The following HNRNPC variants were observed in gnomAD, a reference collection of about 807,000 sequenced individuals.
The protein encoded by HNRNPC is heterogeneous nuclear ribonucleoprotein C, also known as heterogeneous nuclear ribonucleoproteins C1/C2.
HNRNPC carries 3 observed loss-of-function variants against 33.2 expected under a neutral mutation model. The observed-to-expected ratio is 0.09, with a 90% confidence interval of 0.04 to 0.23. The LOEUF is 0.23. HNRNPC is among the 10% of genes least tolerant of loss of function. The pLI, the probability that HNRNPC is intolerant of heterozygous loss-of-function variation, is 1.00. For missense variants in HNRNPC, 143 were observed against 366.7 expected, an observed-to-expected ratio of 0.39 and a Z score of 4.98; for synonymous variants, 121 against 126.7, an observed-to-expected ratio of 0.96 and a Z score of 0.30.
intron 2 of HNRNPC, among the ~76,000 whole-genome samples, chr14:21,238,991 G>C (rs1895040233): frequency 6.6e-6 from 1 of 152,090 alleles, no homozygotes; most frequent in Non-Finnish European, 1.5e-5. Flanking sequence ...GCCATGCGTG[G>C]TGGCCTGCAC....
chr14:21,253,892 C>T (rs935502372), intron 2 of HNRNPC, among the ~76,000 whole-genome samples: 4 of 151,720 alleles, frequency 2.6e-5, no homozygotes, highest in Non-Finnish European at 5.9e-5. Flanking sequence ...GGTGAATCCC[C>T]GTCTCTACCA....
intron 2 of HNRNPC, among the ~76,000 whole-genome samples, chr14:21,252,455 C>T (rs1896778320): frequency 6.6e-6 from 1 of 152,140 alleles, no homozygotes; most frequent in Non-Finnish European, 1.5e-5. Flanking sequence ...GGATTACACA[C>T]ATGCACTGCC....
chr14:21,228,333 G>C (rs980072403), intron 5 of HNRNPC, among the ~76,000 whole-genome samples: 1 of 152,144 alleles, frequency 6.6e-6, no homozygotes, highest in African/African-American at 2.4e-5. Flanking sequence ...GGAATAAATG[G>C]GCTGAGTTCA....
intron 2 of HNRNPC, among the ~76,000 whole-genome samples, chr14:21,251,369 T>C (rs1018105551): frequency 2.0e-5 from 3 of 151,824 alleles, no homozygotes; most frequent in African/African-American, 7.3e-5. Context: ...AAGTATACTT[T>C]AAGTCTACTC....
At chr14:21,228,145 A>G (rs915571212) in intron 5 of HNRNPC, among the ~76,000 whole-genome samples, 8 of 152,258 alleles carry the variant, frequency 5.3e-5, no homozygotes, top group Admixed American at 2.6e-4. Context: ...GTTAAAGGGC[A>G]GATGCTTCAG....
chr14:21,251,882 T>C (rs866883506), intron 2 of HNRNPC, among the ~76,000 whole-genome samples: 1 of 152,310 alleles, frequency 6.6e-6, no homozygotes, highest in Middle Eastern at 3.4e-3. Context: ...AATTGAGTCT[T>C]GGTGTCAAAT....
At chr14:21,225,144 G>T (rs1400574749) in intron 5 of HNRNPC, among the ~76,000 whole-genome samples, 1 of 152,006 alleles carries the variant, frequency 6.6e-6, no homozygotes, top group Non-Finnish European at 1.5e-5. Flanking sequence ...AAAGAGGCCA[G>T]GAACGATGGC....
intron 5 of HNRNPC, among the ~76,000 whole-genome samples, chr14:21,226,191 G>A (rs1048895236): frequency 2.6e-5 from 4 of 151,624 alleles, no homozygotes; most frequent in Non-Finnish European, 5.9e-5. Context: ...GTGTGGTGGT[G>A]TGCACCTGTA....
intron 1 of HNRNPC, among the ~76,000 whole-genome samples, chr14:21,265,883 G>A (rs956955337): frequency 4.6e-5 from 7 of 152,150 alleles, no homozygotes; most frequent in African/African-American, 7.2e-5. Flanking sequence ...TTCTTCTAAA[G>A]GGGCACCTCT....
rs140242100 is a variant in HNRNPC, at chr14:21,247,246, A to ATCCTG, written c.-36-13018_-36-13017insCAGGA. 4.3e-3 allele frequency among the ~76,000 whole-genome samples: 661 copies of ATCCTG among 152,288 alleles called. 5 individuals are homozygous for ATCCTG. The highest frequency in any genetic ancestry group is 0.015 in the African/African-American group (639 of 41,558). On this transcript the variant is annotated intron_variant, in intron 2 of 8. Transcript: ENST00000553300. ...GTTCGTATTTCATCCTCTTCTACCT[A>ATCCTG]GTTCATAATCACTAAAGATCACATA...
intron 6 of HNRNPC, among the ~76,000 whole-genome samples, chr14:21,212,656 C>T (rs1191099939): frequency 2.0e-5 from 3 of 151,982 alleles, no homozygotes; most frequent in African/African-American, 7.3e-5. Flanking sequence ...GATTCTCCTG[C>T]CTCAGCCTCC....
intron 2 of HNRNPC, among the ~76,000 whole-genome samples, chr14:21,255,822 T>A (rs1016744758): frequency 6.6e-6 from 1 of 152,200 alleles, no homozygotes; most frequent in Non-Finnish European, 1.5e-5. Flanking sequence ...CAGTTGGTGA[T>A]AAGTGCTAAA....
chr14:21,238,986 G>A lies in HNRNPC; in HGVS notation c.-36-4757C>T, dbSNP rs1439913117. Among the ~76,000 whole-genome samples, 3 of 152,118 alleles carry A rather than the reference G, an allele frequency of 2.0e-5. No homozygotes were observed. The East Asian group carries it at 5.8e-4, about 29-fold the overall frequency. ...TACTAAAAATACAAAAATCAGCCATGCGTGGTGGCCTGCACCTGTAGTCCC... is the reference window on the plus strand; with the variant it reads ...TACTAAAAATACAAAAATCAGCCATACGTGGTGGCCTGCACCTGTAGTCCC... On this transcript the variant is annotated intron_variant, in intron 2 of 8. Coordinates refer to ENST00000553300, the MANE Select transcript of HNRNPC (RefSeq NM_004500.4).
At chr14:21,252,110 A>ACCC (rs1352637788) in intron 2 of HNRNPC, among the ~76,000 whole-genome samples, 1 of 152,154 alleles carries the variant, frequency 6.6e-6, no homozygotes, top group Non-Finnish European at 1.5e-5. Flanking sequence ...TAACCATAAG[A>ACCC]CCCCCAACTC....
intron 2 of HNRNPC, among the ~76,000 whole-genome samples, chr14:21,247,163 C>T (rs1896071428): frequency 6.6e-6 from 1 of 152,088 alleles, no homozygotes; most frequent in South Asian, 2.1e-4. Flanking sequence ...CAATGTAATC[C>T]TAACCTCTAT....
At chr14:21,214,557 G>A (rs757126786) in intron 5 of HNRNPC, among the ~76,000 whole-genome samples, 4 of 152,000 alleles carry the variant, frequency 2.6e-5, no homozygotes. Flanking sequence ...GCACTCATGC[G>A]GAACAGAGCA....
intron 1 of HNRNPC, chr14:21,265,229 C>T (rs2139058858): frequency 6.6e-6 from 1 of 152,212 alleles, no homozygotes; most frequent in South Asian, 2.1e-4. Flanking sequence ...TGTTCTTTTC[C>T]TGTTTATGAA....
chr14:21,227,439 A>G (rs1180623590), intron 5 of HNRNPC, among the ~76,000 whole-genome samples: 1 of 152,218 alleles, frequency 6.6e-6, no homozygotes, highest in Non-Finnish European at 1.5e-5. Context: ...AGAACAATAG[A>G]AGACATTACT....
chr14:21,253,861 C>A (rs1166936313), intron 2 of HNRNPC, among the ~76,000 whole-genome samples: 1 of 151,808 alleles, frequency 6.6e-6, no homozygotes, highest in East Asian at 1.9e-4. Flanking sequence ...GTCAGCAAAT[C>A]GACACCATCC....
Sources: gnomAD v4.1 joint callset for allele counts (sites outside exome capture counted in the v4.1 genomes callset) on GRCh38, gnomAD v4.1.1 for gene constraint, MANE v1.5 for transcripts, NCBI Gene and HGNC (gene_info 2026-07-23, HGNC 2026-07-21) for gene names.